The following RUNX1 variants were observed in gnomAD, a reference collection of about 807,000 sequenced individuals.
RUNX1 encodes the protein RUNX family transcription factor 1.
A neutral mutation model predicts 42.8 loss-of-function variants in RUNX1; 19 were observed. That is an observed-to-expected ratio of 0.44 (90% CI 0.31 to 0.65). RUNX1 has a LOEUF of 0.65. Among genes scored for constraint, RUNX1 ranks in the 30% least tolerant of loss-of-function variants. The probability of loss-of-function intolerance (pLI) is 0.07; values close to 1 mark genes in which losing one functional copy is unlikely to be tolerated. For missense variants in RUNX1, 528 were observed against 672.0 expected, an observed-to-expected ratio of 0.79 and a Z score of 2.37; for synonymous variants, 271 against 289.4, an observed-to-expected ratio of 0.94 and a Z score of 0.64.
intron 5 of RUNX1, among the ~76,000 whole-genome samples, chr21:34,860,623 C>A (rs544622479): frequency 6.6e-6 from 1 of 152,192 alleles, no homozygotes; most frequent in South Asian, 2.1e-4. Flanking sequence ...TTGATTAAGT[C>A]TGATGTTCAA....
intron 2 of RUNX1, among the ~76,000 whole-genome samples, chr21:34,893,749 T>C (rs2058105277): frequency 6.6e-6 from 1 of 150,474 alleles, no homozygotes; most frequent in African/African-American, 2.5e-5. Flanking sequence ...TTCAACTCCA[T>C]GCCACAATAT....
chr21:34,821,487 T>TA (rs1413202408), intron 7 of RUNX1: 3 of 1,452,424 alleles, frequency 2.1e-6, no homozygotes, highest in African/African-American at 2.8e-5. Flanking sequence ...CTATTATTGT[T>TA]ACGACGGTTT....
At chr21:34,852,893 G>A (rs745489273) in intron 6 of RUNX1, among the ~76,000 whole-genome samples, 9 of 152,186 alleles carry the variant, frequency 5.9e-5, no homozygotes, top group African/African-American at 1.9e-4. Context: ...ATTGTGGATT[G>A]GTAATTACAA....
intron 2 of RUNX1, among the ~76,000 whole-genome samples, chr21:34,921,217 C>A (rs573149775): frequency 6.6e-6 from 1 of 152,282 alleles, no homozygotes; most frequent in East Asian, 1.9e-4. Context: ...GCAGCCATCA[C>A]CACCTTCCAT....
At chr21:34,920,281 C>T (rs2058344149) in intron 2 of RUNX1, among the ~76,000 whole-genome samples, 1 of 152,104 alleles carries the variant, frequency 6.6e-6, no homozygotes, top group Admixed American at 6.5e-5. Context: ...AAGGTCTTTC[C>T]CAAAACCCCA....
rs142660007 is a variant in RUNX1, at chr21:35,001,059, C to T, written c.58+47783G>A. Among the ~76,000 whole-genome samples the T allele has an allele frequency of 3.3e-5, 5 of 152,288 alleles. No individual in the cohort carries two copies. In the East Asian group the frequency reaches 9.6e-4, roughly 29 times the overall value. On this transcript the variant is annotated intron_variant, in intron 2 of 8. Transcript: ENST00000675419. ...TGAAGAACATGTGATACTTCCATGC[C>T]TGTTTTCTTTTGCTCGTTCCCTCCA... is the stretch of plus-strand genomic sequence containing the variant.
chr21:34,990,994 G>A (rs2058933038), intron 2 of RUNX1, among the ~76,000 whole-genome samples: 1 of 152,148 alleles, frequency 6.6e-6, no homozygotes, highest in African/African-American at 2.4e-5. Context: ...AATGCCACAG[G>A]TCACTCACTT....
chr21:34,940,500 T>C (rs1187973175), intron 2 of RUNX1, among the ~76,000 whole-genome samples: 1 of 152,250 alleles, frequency 6.6e-6, no homozygotes, highest in Non-Finnish European at 1.5e-5. Context: ...AATGCTCATG[T>C]TCTTACATGT....
chr21:34,936,701 G>A (rs1199940873), intron 2 of RUNX1, among the ~76,000 whole-genome samples: 2 of 152,212 alleles, frequency 1.3e-5, no homozygotes, highest in Non-Finnish European at 2.9e-5. Flanking sequence ...TCCTGGCCGG[G>A]AGACCCCATG....
chr21:34,803,202 T>C (rs1163932328), intron 7 of RUNX1, among the ~76,000 whole-genome samples: 1 of 152,046 alleles, frequency 6.6e-6, no homozygotes, highest in Non-Finnish European at 1.5e-5. Flanking sequence ...GGGATTAGGA[T>C]GGAGAAGGCA....
intron 4 of RUNX1, among the ~76,000 whole-genome samples, chr21:34,886,636 G>A (rs2057992162): frequency 1.3e-5 from 2 of 152,228 alleles, no homozygotes; most frequent in Admixed American, 1.3e-4. Flanking sequence ...CTCCTGGGAG[G>A]CCGCCCCAGA....
At chr21:35,023,180 G>T (rs1050355134) in intron 2 of RUNX1, among the ~76,000 whole-genome samples, 1 of 152,072 alleles carries the variant, frequency 6.6e-6, no homozygotes, top group Non-Finnish European at 1.5e-5. Context: ...CTGGGCTCAA[G>T]TGACCAGCCC....
At chr21:34,963,801 T>C (rs2058698633) in intron 2 of RUNX1, among the ~76,000 whole-genome samples, 1 of 152,084 alleles carries the variant, frequency 6.6e-6, no homozygotes, top group Admixed American at 6.5e-5. Flanking sequence ...AGAGCACAGT[T>C]AATGTGAGAG....
intron 2 of RUNX1, among the ~76,000 whole-genome samples, chr21:35,004,493 CACG>C (rs2059069078): frequency 6.6e-6 from 1 of 152,140 alleles, no homozygotes; most frequent in Non-Finnish European, 1.5e-5. Flanking sequence ...CATAGAACAG[CACG>C]ACAATTTCAG....
chr21:34,914,068 G>A (rs963204722), intron 2 of RUNX1, among the ~76,000 whole-genome samples: 4 of 152,150 alleles, frequency 2.6e-5, no homozygotes, highest in African/African-American at 9.7e-5. Flanking sequence ...GCTATGCCGA[G>A]GGAATTCTCT....
chr21:34,889,128 G>T (rs971465770), intron 3 of RUNX1, among the ~76,000 whole-genome samples: 18 of 125,478 alleles, frequency 1.4e-4, no homozygotes, highest in Admixed American at 6.3e-4. Context: ...GGCAGGCGCA[G>T]TGGCCGCCAC....
In RUNX1 at chr21:34,823,430, G is replaced by GTTTT. The variant is rs56957776; in HGVS notation, c.805+10976_805+10979dup. Among the ~76,000 whole-genome samples the GTTTT allele has an allele frequency of 4.9e-3, 485 of 99,612 alleles. 70 individuals carry two copies. Among genetic ancestry groups the GTTTT allele is most frequent in the African/African-American group, 0.024 (458 of 19,488 alleles). The allele number at this position is 99,612 out of a possible 152,430, so 65.3% of individuals were successfully genotyped here. A position where few individuals can be genotyped will look rare whatever the true frequency, so the allele number is the denominator to read the frequency against. On this transcript the variant is annotated intron_variant, in intron 7 of 8. Coordinates refer to ENST00000675419, the MANE Select transcript of RUNX1 (RefSeq NM_001754.5). ...TAAGCACCATTTCCATTCCTGGTGG[G>GTTTT]TTTTTTTTTTTTTTTTTTTTTTTTT... is the stretch of plus-strand genomic sequence containing the variant.
intron 2 of RUNX1, among the ~76,000 whole-genome samples, chr21:34,980,785 T>C (rs2046219018): frequency 6.6e-6 from 1 of 152,226 alleles, no homozygotes; most frequent in Admixed American, 6.5e-5. Flanking sequence ...TTGTTTTTCA[T>C]GGTTTGTAGG....
intron 4 of RUNX1, among the ~76,000 whole-genome samples, chr21:34,882,341 A>G (rs987295516): frequency 2.0e-5 from 3 of 152,188 alleles, no homozygotes; most frequent in Admixed American, 1.3e-4. Flanking sequence ...CTAACTCACT[A>G]TGAGAGATGA....
Sources: gnomAD v4.1 joint callset for allele counts (sites outside exome capture counted in the v4.1 genomes callset) on GRCh38, gnomAD v4.1.1 for gene constraint, MANE v1.5 for transcripts, NCBI Gene and HGNC (gene_info 2026-07-23, HGNC 2026-07-21) for gene names.